Variants in DARS2 observed in about 807,000 individuals in gnomAD.
The protein encoded by DARS2 is aspartate--tRNA ligase, mitochondrial.
A neutral mutation model predicts 83.0 loss-of-function variants in DARS2; 63 were observed. The ratio of observed to expected loss-of-function variants is 0.76; its 90% CI spans 0.62 to 0.94. The LOEUF (loss-of-function observed/expected upper bound fraction) is 0.94. DARS2 is among the 40% of genes least tolerant of loss of function. The pLI, the probability that DARS2 is intolerant of heterozygous loss-of-function variation, is 0.00. For missense variants in DARS2, 675 were observed against 774.4 expected (o/e 0.87, Z 1.52); for synonymous variants, 250 against 269.3 (o/e 0.93, Z 0.70).
intron 13 of DARS2, 124 bp downstream of exon 13, chr1:173,850,603 A>AAC: frequency 5.7e-6 from 6 of 1,054,820 alleles, no homozygotes; most frequent in Non-Finnish European, 7.9e-6. Flanking sequence ...CTCTGCATAA[A>AAC]TCTTTTTTTT....
At chr1:173,853,996 GTTTTT>G in intron 15 of DARS2, 91 bp downstream of exon 15, 1 of 1,158,004 alleles carries the variant, frequency 8.6e-7, no homozygotes, top group Non-Finnish European at 1.3e-6. Flanking sequence ...TGTTTGTTTT[GTTTTT>G]GAGACATTCT....
chr1:173,857,859 A>T lies in DARS2; in HGVS notation c.*154A>T. 3.7e-6 allele frequency: 3 copies of T among 817,786 alleles called. No homozygotes were observed. In the South Asian group the frequency reaches 4.8e-5, roughly 13 times the overall value. The allele number at this position is 817,786 out of a possible 1,614,324, so 50.7% of individuals were successfully genotyped here. A position where few individuals can be genotyped will look rare whatever the true frequency, so the allele number is the denominator to read the frequency against. On this transcript the variant is annotated 3_prime_UTR_variant, in exon 17 of 17. Transcript: ENST00000649689. The stretch of plus-strand genomic sequence containing the variant: ...ACATTCTTCACCACAACGAAGAAAC[A>T]GATAAAAGATACCCAATTTTGACTT...
intron 5 of DARS2, 124 bp from the exon 6 acceptor site, chr1:173,833,252 G>A (rs1455724659): frequency 6.5e-6 from 5 of 770,788 alleles, no homozygotes; most frequent in Non-Finnish European, 1.0e-5. Context: ...AGCATACAGT[G>A]GGCTACTTAA....
In DARS2 at chr1:173,825,998, G is replaced by A. The variant is rs375604435; in HGVS notation, c.127+642G>A. ...AGCACTTTGGGAGGTCGAGGAGGGC[G>A]GATCACGAGGTCAGGAGATCGAGAC... On this transcript the variant is annotated intron_variant, in intron 1 of 16. Coordinates refer to ENST00000649689, the MANE Select transcript of DARS2 (RefSeq NM_018122.5). Among the ~76,000 whole-genome samples the A allele has an allele frequency of 8.3e-4, 125 of 151,200 alleles. 3 individuals carry two copies. The highest frequency in any genetic ancestry group is 1.9e-3 in the Admixed American group (29 of 15,164).
At chr1:173,852,285 G>A in intron 13 of DARS2, 1 of 981,200 alleles carries the variant, frequency 1.0e-6, no homozygotes, top group Non-Finnish European at 1.2e-6. Context: ...TAAGCACTTA[G>A]TATTTGCCAA....
At chr1:173,852,939 A>G (rs1218166576) in intron 13 of DARS2, among the ~76,000 whole-genome samples, 1 of 152,206 alleles carries the variant, frequency 6.6e-6, no homozygotes, top group African/African-American at 2.4e-5. Context: ...CAGAACGACT[A>G]CCACTCACAT....
intron 8 of DARS2, among the ~76,000 whole-genome samples, chr1:173,837,986 G>C (rs1045811127): frequency 6.6e-6 from 1 of 152,154 alleles, no homozygotes; most frequent in Non-Finnish European, 1.5e-5. Context: ...TGTTGGCCAG[G>C]CTGGTCTTGA....
At chr1:173,841,651 T>C (rs1437512474) in intron 11 of DARS2, among the ~76,000 whole-genome samples, 1 of 151,972 alleles carries the variant, frequency 6.6e-6, no homozygotes, top group African/African-American at 2.4e-5. Context: ...TCTACAAAAA[T>C]TACCTGGCGT....
chr1:173,844,669 CAAAAAAAAAAAAAAAA>C (rs549839808), intron 11 of DARS2, among the ~76,000 whole-genome samples: 63 of 29,916 alleles, frequency 2.1e-3, no homozygotes, highest in East Asian at 3.8e-3. Context: ...GACTCCATCG[CAAAAAAAAAAAAAAAA>C]AAAAAAAAAA....
intron 15 of DARS2, among the ~76,000 whole-genome samples, chr1:173,854,165 T>G (rs1653779392): frequency 6.6e-6 from 1 of 152,002 alleles, no homozygotes. Flanking sequence ...TTTGAAGAGA[T>G]AAGATTTCCC....
chr1:173,846,089 C>T (rs1420982230), intron 12 of DARS2, among the ~76,000 whole-genome samples: 1 of 151,030 alleles, frequency 6.6e-6, no homozygotes, highest in African/African-American at 2.4e-5. Flanking sequence ...ACGCAGGAGG[C>T]GGAGCTTGCA....
At chr1:173,828,521 G>GA (rs1652676603) in intron 3 of DARS2, 122 bp downstream of exon 3, 2 of 961,660 alleles carry the variant, frequency 2.1e-6, no homozygotes, top group Admixed American at 2.1e-5. Flanking sequence ...AATGAAAACT[G>GA]AAAAATATAA....
At chr1:173,856,580 G>T in intron 15 of DARS2, 86 bp from the exon 16 acceptor site, 2 of 1,214,424 alleles carry the variant, frequency 1.6e-6, no homozygotes, top group East Asian at 4.7e-5. Context: ...ACTCAACTTT[G>T]TTTCCCCTTT....
chr1:173,834,313 T>C (rs1038432611), intron 6 of DARS2, among the ~76,000 whole-genome samples, 160 bp from the exon 7 acceptor site: 2 of 152,220 alleles, frequency 1.3e-5, no homozygotes, highest in African/African-American at 2.4e-5. Flanking sequence ...AGCTTCCTTC[T>C]TAGATTTGTA....
Position 173,858,503 on chromosome 1 carries a change from TAAACA to T in DARS2, c.*803_*807del, listed in dbSNP as rs1389065737. On this transcript the variant is annotated 3_prime_UTR_variant, in exon 17 of 17. Transcript: ENST00000649689. ...ATATCTCTATTTTATAGTTTCAGAT[TAAACA>T]AAACTGATATCAATAGTAAAAGTCA... The T allele has an allele frequency of 6.6e-6, 1 of 152,044 alleles. No homozygotes were observed. Among genetic ancestry groups the T allele is most frequent in the East Asian group, 1.9e-4 (1 of 5,198 alleles). The allele number at this position is 152,044 out of a possible 1,614,324, so 9.4% of individuals were successfully genotyped here. A position where few individuals can be genotyped will look rare whatever the true frequency, so the allele number is the denominator to read the frequency against.
intron 11 of DARS2, among the ~76,000 whole-genome samples, chr1:173,845,024 C>T (rs544012389): frequency 6.6e-6 from 1 of 152,008 alleles, no homozygotes; most frequent in East Asian, 1.9e-4. Flanking sequence ...GAACTCCCAA[C>T]TTTCAAGCAG....
chr1:173,827,426 G>A (rs892749703), intron 2 of DARS2, among the ~76,000 whole-genome samples: 2 of 152,066 alleles, frequency 1.3e-5, no homozygotes, highest in African/African-American at 4.8e-5. Context: ...TTAGGAGTTC[G>A]AGACCAGCCC....
chr1:173,829,002 A>T (rs1037642035), intron 3 of DARS2, among the ~76,000 whole-genome samples: 1 of 152,186 alleles, frequency 6.6e-6, no homozygotes, highest in Middle Eastern at 3.2e-3. Context: ...AATAATGTAT[A>T]TTCTTACAAT....
At chr1:173,849,168 T>A (rs1653551464) in intron 12 of DARS2, among the ~76,000 whole-genome samples, 1 of 151,052 alleles carries the variant, frequency 6.6e-6, no homozygotes, top group Non-Finnish European at 1.5e-5. Flanking sequence ...TTTTTTTTTT[T>A]AATGCTGCAG....
Sources: allele counts gnomAD v4.1 joint callset (sites outside exome capture counted in the v4.1 genomes callset), GRCh38; gene constraint gnomAD v4.1.1; transcripts MANE v1.5; gene names NCBI Gene and HGNC (gene_info 2026-07-23, HGNC 2026-07-21).